The following CTBP1 variants were observed in gnomAD, a reference collection of about 807,000 sequenced individuals.
CTBP1 encodes the protein C-terminal binding protein 1.
A neutral mutation model predicts 42.1 loss-of-function variants in CTBP1; 11 were observed. The ratio of observed to expected loss-of-function variants is 0.26; its 90% CI spans 0.16 to 0.43. CTBP1 has a LOEUF of 0.43. Among genes scored for constraint, CTBP1 ranks in the 20% least tolerant of loss-of-function variants. CTBP1 has a pLI of 1.00. For synonymous variants in CTBP1, 324 were observed against 277.1 expected, an observed-to-expected ratio of 1.17 and a Z score of -1.68; for missense variants, 399 against 624.3, an observed-to-expected ratio of 0.64 and a Z score of 3.85.
At chr4:1,225,951 T>A (rs1730297398) in intron 4 of CTBP1, among the ~76,000 whole-genome samples, 5 of 151,878 alleles carry the variant, frequency 3.3e-5, no homozygotes, top group Admixed American at 3.3e-4. Flanking sequence ...GCTGGGAGGC[T>A]GTGGCCAGGT....
intron 1 of CTBP1, among the ~76,000 whole-genome samples, chr4:1,248,010 G>A (rs1466722187): frequency 1.3e-5 from 2 of 152,250 alleles, no homozygotes; most frequent in African/African-American, 2.4e-5. Context: ...GGCCGCCAGA[G>A]AACGCTCCAG....
Position 1,225,514 on chromosome 4 carries a change from C to A in CTBP1, c.360G>T (p.Ser120=). 6.5e-7 allele frequency: 1 copy of A among 1,544,976 alleles called. No homozygotes were observed. ...ACAGGTTCAGGATGTGGCACAGCGT[C>A]GAGTCGGCCGTCTCCTCCACAGACG... The part of the protein sequence containing the change: ...PAASVEETAD[S]TLCHILNLYR... The change falls in exon 5 of 10, where the codon TCG becomes TCT. Residue 120 remains serine, a synonymous_variant. Transcript: ENST00000382952.
intron 3 of CTBP1, among the ~76,000 whole-genome samples, chr4:1,230,354 A>C (rs1020734306): frequency 6.6e-6 from 1 of 152,152 alleles, no homozygotes; most frequent in Non-Finnish European, 1.5e-5. Context: ...CCACACACCA[A>C]GGAGGTGCTT....
chr4:1,239,637 G>A (rs1027504459), intron 2 of CTBP1, among the ~76,000 whole-genome samples: 2 of 152,244 alleles, frequency 1.3e-5, no homozygotes, highest in Admixed American at 6.5e-5. Context: ...GGGGTGCAGT[G>A]GGCCTGCAGC....
intron 6 of CTBP1, chr4:1,215,484 G>A (rs143293917): frequency 2.5e-5 from 5 of 203,616 alleles, no homozygotes; most frequent in Non-Finnish European, 4.1e-5. Context: ...GGGAACGCAG[G>A]GCTGAGGCTG....
At chr4:1,214,950 G>C (rs184577673) in intron 6 of CTBP1, among the ~76,000 whole-genome samples, 1 of 152,270 alleles carries the variant, frequency 6.6e-6, no homozygotes, top group East Asian at 1.9e-4. Context: ...GAACAGGCTC[G>C]CTTTTCATGC....
rs902495545 is a variant in CTBP1 at position 1,233,502 on chromosome 4, C to A, written c.162+4681G>T. On this transcript the variant is annotated intron_variant, in intron 3 of 9. Transcript: ENST00000382952. This position sits in a 1 kb window ranked among gnomAD's most constrained non-coding sequence, Gnocchi z 4.6. ...CTGCCGCTCCAGGCCCCGCAGCCCA[C>A]ACCGGACGCAGCCTCCAGGCTCCAG... is the stretch of plus-strand genomic sequence containing the variant. Among the ~76,000 whole-genome samples the A allele has an allele frequency of 6.6e-6, 1 of 152,226 alleles. No homozygotes were observed. The highest frequency in any genetic ancestry group is 2.4e-5 in the African/African-American group (1 of 41,456).
chr4:1,215,736 G>A, intron 6 of CTBP1: 3 of 545,372 alleles, frequency 5.5e-6, no homozygotes, highest in East Asian at 3.2e-5. Flanking sequence ...GGCTTCAGGG[G>A]AATTTGGTGT....
intron 5 of CTBP1, 59 bp from the exon 6 acceptor site, chr4:1,216,264 C>T (rs1729105135): frequency 1.3e-6 from 2 of 1,516,502 alleles, no homozygotes; most frequent in African/African-American, 2.8e-5. Context: ...GAGGCCGGCC[C>T]CGAAAGCCAG....
At chr4:1,244,591 A>G in intron 1 of CTBP1, 1 of 984,804 alleles carries the variant, frequency 1.0e-6, no homozygotes, top group Non-Finnish European at 1.2e-6. Flanking sequence ...CCTCCTCACC[A>G]ACCCCATCTT....
Position 1,228,271 on chromosome 4 carries a change from T to C in CTBP1, c.235A>G (p.Lys79Glu). 6.2e-7 allele frequency: 1 copy of C among 1,614,194 alleles called. No individual in the cohort carries two copies. The highest frequency in any genetic ancestry group is 8.5e-7 in the Non-Finnish European group (1 of 1,180,020). The change falls in exon 4 of 10, where the codon AAA becomes GAA. Residue 79 changes from lysine (K) to glutamate (E), a missense_variant. This residue lies in a region of CTBP1 where 309 missense variants were observed against 497.5 expected (regional missense o/e 0.62). Coordinates refer to ENST00000382952, the MANE Select transcript of CTBP1 (RefSeq NM_001012614.2). ...ATCCGGACGATGATGCGGAGGGCTT[T>C]GAACTTCTCCAGGTCCTCCCTGGTG... ...TLTREDLEKF[K>E]ALRIIVRIGS... is the part of the protein sequence containing the mutation.
chr4:1,230,040 T>A (rs1730794949), intron 3 of CTBP1, among the ~76,000 whole-genome samples: 1 of 152,146 alleles, frequency 6.6e-6, no homozygotes, highest in Non-Finnish European at 1.5e-5. Context: ...GTAACACTCA[T>A]CAGTTCATGG....
intron 3 of CTBP1, chr4:1,231,036 A>T (rs1163806257): frequency 6.6e-6 from 1 of 152,258 alleles, no homozygotes; most frequent in African/African-American, 2.4e-5. Flanking sequence ...ACATAGTATT[A>T]GGTGAAAGCA....
intron 6 of CTBP1, among the ~76,000 whole-genome samples, chr4:1,215,002 G>A (rs924636537): frequency 1.3e-5 from 2 of 152,158 alleles, no homozygotes; most frequent in Admixed American, 1.3e-4. Flanking sequence ...CCTCGGCTTC[G>A]TGGCCAGGGC....
intron 1 of CTBP1, 150 bp from the exon 2 acceptor site, chr4:1,241,669 TGACAGCCAG>T: frequency 2.3e-6 from 3 of 1,293,786 alleles, no homozygotes; most frequent in Non-Finnish European, 3.0e-6. Context: ...GGGGGCCTGC[TGACAGCCAG>T]GGGCCCCGGC....
rs1728881565 is a variant in CTBP1, at chr4:1,214,413, G to A, written c.790C>T (p.Leu264=). The change falls in exon 7 of 10, where the codon CTG becomes TTG. Residue 264 remains leucine (L), a synonymous_variant. Transcript: ENST00000382952. ...CGGCCCTCCTTCAGGGCCTGGGCCA[G>A]CGCCTTCTCATCCACCAGGCCACCC... ...ARGGLVDEKA[L]AQALKEGRIR... is the part of the protein sequence containing the mutation. The A allele has an allele frequency of 6.3e-7, 1 of 1,578,142 alleles. No homozygotes were observed. The highest frequency in any genetic ancestry group is 2.4e-5 in the East Asian group (1 of 42,084).
At chr4:1,244,368 T>G (rs1732508137) in intron 1 of CTBP1, 2 of 967,514 alleles carry the variant, frequency 2.1e-6, no homozygotes, top group Non-Finnish European at 2.4e-6. Context: ...GGGGGGGTGT[T>G]CCAGGAAGTC....
In CTBP1 at chr4:1,238,503, G is replaced by A. The variant is rs908048297; in HGVS notation, c.8-166C>T. Reference sequence around the variant, plus strand: ...AAGTAAATTAAAAATCCACGTGAAAGACAACTCGTGTGTGCCTCAGCTCGC... The same window carrying A: ...AAGTAAATTAAAAATCCACGTGAAAAACAACTCGTGTGTGCCTCAGCTCGC... On this transcript the variant is annotated intron_variant, in intron 2 of 9. Transcript: ENST00000382952. The surrounding 1 kb of genome is among the most constrained non-coding windows in gnomAD (Gnocchi z 5.9). Among the ~76,000 whole-genome samples, 1 of 152,048 alleles carries A rather than the reference G, an allele frequency of 6.6e-6. No individual in the cohort carries two copies. Among genetic ancestry groups the A allele is most frequent in the South Asian group, 2.1e-4 (1 of 4,818 alleles).
At chr4:1,227,544 G>A (rs1218509461) in intron 4 of CTBP1, among the ~76,000 whole-genome samples, 1 of 140,420 alleles carries the variant, frequency 7.1e-6, no homozygotes, top group Admixed American at 7.3e-5. Flanking sequence ...GCACATGCAT[G>A]GCTGCAGATG....
Sources: allele counts gnomAD v4.1 joint callset (sites outside exome capture counted in the v4.1 genomes callset), GRCh38; gene constraint gnomAD v4.1.1; regional missense constraint gnomAD v4.1.1; non-coding constraint Gnocchi (gnomAD v3.1); transcripts MANE v1.5; gene names NCBI Gene and HGNC (gene_info 2026-07-23, HGNC 2026-07-21).